The following CCDC88C variants were observed in gnomAD, a reference collection of about 807,000 sequenced individuals.
CCDC88C encodes the protein protein Daple.
CCDC88C carries 131 observed loss-of-function variants against 198.8 expected under a neutral mutation model. The ratio of observed to expected loss-of-function variants is 0.66; its 90% CI spans 0.57 to 0.76. CCDC88C has a LOEUF of 0.76. CCDC88C is among the 30% of genes least tolerant of loss of function. The pLI is 0.00. For missense variants in CCDC88C, 2,553 were observed against 2,631.6 expected (o/e 0.97, Z 0.65); for synonymous variants, 1,166 against 1,114.7 (o/e 1.05, Z -0.92).
At chr14:91,329,162 C>G (rs1251858635) in intron 10 of CCDC88C, among the ~76,000 whole-genome samples, 2 of 152,248 alleles carry the variant, frequency 1.3e-5, no homozygotes, top group Non-Finnish European at 2.9e-5. Context: ...TCACCGAAGA[C>G]CTGCCTGTTT....
intron 3 of CCDC88C, among the ~76,000 whole-genome samples, chr14:91,372,550 G>GGGA: frequency 8.1e-6 from 1 of 122,772 alleles, no homozygotes; most frequent in African/African-American, 3.1e-5. Flanking sequence ...GGCGGGGGGG[G>GGGA]GAGGCGTGTG....
chr14:91,294,333 A>C lies in CCDC88C; in HGVS notation c.3967-15T>G. The C allele has an allele frequency of 6.2e-7, 1 of 1,613,320 alleles. No homozygotes were observed. The highest frequency in any genetic ancestry group is 8.5e-7 in the Non-Finnish European group (1 of 1,179,574). Reference sequence around the variant, plus strand: ...CGGGAGAGCAGCTAGAACACAGACCAACAGCGTCTCAGACACCATGTGACC... The same window carrying C: ...CGGGAGAGCAGCTAGAACACAGACCCACAGCGTCTCAGACACCATGTGACC... On this transcript the variant is annotated splice_polypyrimidine_tract_variant and intron_variant, in intron 22 of 29. Coordinates refer to ENST00000389857, the MANE Select transcript of CCDC88C (RefSeq NM_001080414.4).
intron 20 of CCDC88C, among the ~76,000 whole-genome samples, chr14:91,302,157 G>A (rs192961943): frequency 7.9e-5 from 12 of 152,276 alleles, no homozygotes; most frequent in South Asian, 4.1e-4. Flanking sequence ...CATCATCAGC[G>A]CCCGCACAAG....
intron 3 of CCDC88C, among the ~76,000 whole-genome samples, chr14:91,367,066 C>T (rs908742496): frequency 5.9e-5 from 9 of 152,170 alleles, no homozygotes; most frequent in Non-Finnish European, 1.0e-4. Context: ...AATGATTTCA[C>T]GAAGAAATGG....
chr14:91,336,415 C>T (rs1893044297), intron 10 of CCDC88C, among the ~76,000 whole-genome samples: 1 of 152,240 alleles, frequency 6.6e-6, no homozygotes, highest in South Asian at 2.1e-4. Flanking sequence ...GAGTCACGTT[C>T]CATCCATGAC....
At position 91,339,175 on chromosome 14, in the gene CCDC88C, C is replaced by A. The variant is rs147570702; in HGVS notation, c.809+103G>T. The A allele has an allele frequency of 2.2e-6, 3 of 1,384,790 alleles. No individual in the cohort carries two copies. The highest frequency in any genetic ancestry group is 1.2e-5 in the South Asian group (1 of 80,614). 85.8% of individuals were successfully genotyped at this position (1,384,790 alleles called of 1,614,324 possible). The stretch of plus-strand genomic sequence containing the variant: ...AGACCCCAGCTGACTCCGGGGCACA[C>A]GTCAGAGCTGTGCCATTGGCAGCAC... On this transcript the variant is annotated intron_variant, in intron 8 of 29. Coordinates refer to ENST00000389857, the MANE Select transcript of CCDC88C (RefSeq NM_001080414.4). This position sits in a 1 kb window ranked among gnomAD's most constrained non-coding sequence, Gnocchi z 5.8.
Position 91,307,101 on chromosome 14 carries a change from G to T in CCDC88C, c.3132C>A (p.Gly1044=). The change falls in exon 18 of 30, where the codon GGC becomes GGA. Residue 1044 remains glycine (G), a synonymous_variant. Coordinates refer to ENST00000389857, the MANE Select transcript of CCDC88C (RefSeq NM_001080414.4). ...GAAGCTCCATGGTGGCTTCCTTATG[G>T]CCGGGCCCCCAGGCCTCCTTCCCCT... ...SHQGKEAWGP[G]HKEATMELLR... 6.2e-7 allele frequency: 1 copy of T among 1,613,884 alleles called. No homozygotes were observed. Among genetic ancestry groups the T allele is most frequent in the Non-Finnish European group, 8.5e-7 (1 of 1,179,842 alleles).
At chr14:91,395,915 A>C (rs182644317) in intron 3 of CCDC88C, among the ~76,000 whole-genome samples, 14 of 152,208 alleles carry the variant, frequency 9.2e-5, no homozygotes, top group Admixed American at 8.5e-4. Context: ...CTCCCCCCTA[A>C]ATACCACCAA....
intron 10 of CCDC88C, among the ~76,000 whole-genome samples, chr14:91,331,700 T>G (rs1379941839): frequency 6.6e-6 from 1 of 152,208 alleles, no homozygotes; most frequent in South Asian, 2.1e-4. Flanking sequence ...GGCAGCTCCC[T>G]GTTGGGGAGG....
intron 10 of CCDC88C, among the ~76,000 whole-genome samples, chr14:91,335,794 C>T (rs965866229): frequency 2.0e-5 from 3 of 152,200 alleles, no homozygotes; most frequent in African/African-American, 7.2e-5. Context: ...TTCTAAGCAT[C>T]CTATGAGGAC....
At chr14:91,417,569 C>T in intron 1 of CCDC88C, 62 bp downstream of exon 1, 1 of 1,485,618 alleles carries the variant, frequency 6.7e-7, no homozygotes, top group African/African-American at 1.4e-5. Flanking sequence ...TGCGGCGTCC[C>T]GTCGCCGGGC....
At chr14:91,303,079 G>C (rs1891373766) in intron 20 of CCDC88C, among the ~76,000 whole-genome samples, 1 of 152,188 alleles carries the variant, frequency 6.6e-6, no homozygotes, top group African/African-American at 2.4e-5. Flanking sequence ...CCAACAATGG[G>C]AAGCAGCTGG....
intron 29 of CCDC88C, among the ~76,000 whole-genome samples, chr14:91,275,592 C>T (rs1212575192): frequency 2.0e-5 from 3 of 151,770 alleles, no homozygotes; most frequent in African/African-American, 7.3e-5. Flanking sequence ...ATTCTCCTGC[C>T]TCAACCTCCC....
At chr14:91,282,753 C>T (rs1351510806) in intron 26 of CCDC88C, among the ~76,000 whole-genome samples, 3 of 152,184 alleles carry the variant, frequency 2.0e-5, no homozygotes, top group Non-Finnish European at 4.4e-5. Flanking sequence ...CAGTGAACTT[C>T]CAGTTCAGAG....
intron 3 of CCDC88C, among the ~76,000 whole-genome samples, chr14:91,407,605 C>T (rs1886573918): frequency 1.3e-5 from 2 of 152,146 alleles, no homozygotes; most frequent in South Asian, 4.1e-4. Flanking sequence ...CACTGGGCTT[C>T]ACCTGGGTTC....
At chr14:91,307,918 AGT>A (rs2139791093) in intron 17 of CCDC88C, among the ~76,000 whole-genome samples, 1 of 152,368 alleles carries the variant, frequency 6.6e-6, no homozygotes, top group East Asian at 1.9e-4. Flanking sequence ...GTGTATGGAA[AGT>A]GTGTTCACAC....
chr14:91,316,840 G>T (rs1047233417), intron 13 of CCDC88C, among the ~76,000 whole-genome samples: 1 of 152,168 alleles, frequency 6.6e-6, no homozygotes, highest in East Asian at 1.9e-4. Flanking sequence ...GTCCATCCCC[G>T]AAGAAGACCT....
In CCDC88C at chr14:91,325,043, C is replaced by T. The variant is rs1596072559; in HGVS notation, c.1198-120G>A. ...TGGATGAAGATGTACTGGCTCACTT[C>T]CAAATAAACAGAGCTGCACAGAAAC... On this transcript the variant is annotated intron_variant, in intron 11 of 29. Coordinates refer to ENST00000389857, the MANE Select transcript of CCDC88C (RefSeq NM_001080414.4). The surrounding 1 kb of genome is among the most constrained non-coding windows in gnomAD (Gnocchi z 4.1). 7.9e-7 allele frequency: 1 copy of T among 1,267,046 alleles called. No homozygotes were observed. Among genetic ancestry groups the T allele is most frequent in the Non-Finnish European group, 1.1e-6 (1 of 903,494 alleles). The allele number at this position is 1,267,046 out of a possible 1,614,324, so 78.5% of individuals were successfully genotyped here.
In CCDC88C at chr14:91,344,769, G is replaced by A. The variant is rs1893456786; in HGVS notation, c.341-1112C>T. 4.0e-5 allele frequency among the ~76,000 whole-genome samples: 6 copies of A among 151,428 alleles called. No homozygotes were observed. The South Asian group carries it at 1.3e-3, about 32-fold the overall frequency. On this transcript the variant is annotated intron_variant, in intron 4 of 29. Coordinates refer to ENST00000389857, the MANE Select transcript of CCDC88C (RefSeq NM_001080414.4). ...CCACCTCAGCCTCCCAAAGTGCTGG[G>A]ATTACAGGCTTGAGCCACCGCGCCC...
Sources: gnomAD v4.1 joint callset for allele counts (sites outside exome capture counted in the v4.1 genomes callset) on GRCh38, gnomAD v4.1.1 for gene constraint, Gnocchi (gnomAD v3.1) non-coding constraint, MANE v1.5 for transcripts, NCBI Gene and HGNC (gene_info 2026-07-23, HGNC 2026-07-21) for gene names.